The following BICD1 variants were observed in gnomAD, a reference collection of about 807,000 sequenced individuals.
BICD1 encodes the protein protein bicaudal D homolog 1.
BICD1 carries 35 observed loss-of-function variants against 92.5 expected under a neutral mutation model. The observed-to-expected ratio is 0.38, with a 90% CI of 0.29 to 0.50. The LOEUF is 0.50. Ranked by LOEUF, BICD1 falls within the 20% of genes least tolerant of loss-of-function variation. BICD1 has a pLI of 0.93. For synonymous variants in BICD1, 429 were observed against 465.1 expected (o/e 0.92, Z 1.00); for missense variants, 950 against 1,189.8 (o/e 0.80, Z 2.97).
chr12:32,334,692 T>G, intron 6 of BICD1, 25 bp downstream of exon 6: 1 of 1,597,932 alleles, frequency 6.3e-7, no homozygotes, highest in East Asian at 2.3e-5. Context: ...TTCCTATGAC[T>G]GGGTGTGGTA....
At position 32,192,453 on chromosome 12, in the gene BICD1, AATAGATAG is replaced by A. The variant is rs66461342; in HGVS notation, c.214-23776_214-23769del. Reference sequence around the variant, plus strand: ...TGTTAAATAAATAAATAAATAAATAAATAGATAGATAGATAGATAGATAGACAAATAAA... The same window carrying A: ...TGTTAAATAAATAAATAAATAAATAAATAGATAGATAGATAGACAAATAAA... On this transcript the variant is annotated intron_variant, in intron 1 of 9. Coordinates refer to ENST00000652176, the MANE Select transcript of BICD1 (RefSeq NM_001714.4). Among the ~76,000 whole-genome samples the A allele has an allele frequency of 3.6e-3, 543 of 149,152 alleles. 4 individuals are homozygous for A. The highest frequency in any genetic ancestry group is 0.011 in the African/African-American group (438 of 40,114).
chr12:32,334,525 G>A lies in BICD1; in HGVS notation c.2110G>A (p.Val704Met). ...VLKANKQTAE[V>M]ALANLKNKYE... ...TGATTTTCTGCTTTAGACAGCTGAG[G>A]TGGCGCTAGCTAATCTCAAGAACAA... The change falls in exon 6 of 10, where the codon GTG becomes ATG. Residue 704 changes from valine (V) to methionine (M), a missense_variant. Physicochemically the swap from Val to Met is conservative, Grantham distance 21. Coordinates refer to ENST00000652176, the MANE Select transcript of BICD1 (RefSeq NM_001714.4). The A allele has an allele frequency of 6.2e-7, 1 of 1,608,204 alleles. No homozygotes were observed. Among genetic ancestry groups the A allele is most frequent in the Non-Finnish European group, 8.5e-7 (1 of 1,177,420 alleles).
intron 2 of BICD1, among the ~76,000 whole-genome samples, chr12:32,224,149 C>T (rs893446784): frequency 3.9e-5 from 6 of 152,108 alleles, no homozygotes; most frequent in East Asian, 1.9e-4. Flanking sequence ...CTGAGTGAAG[C>T]GGACACTTCT....
intron 1 of BICD1, among the ~76,000 whole-genome samples, chr12:32,189,463 A>G (rs1944506500): frequency 6.6e-6 from 1 of 152,312 alleles, no homozygotes; most frequent in South Asian, 2.1e-4. Flanking sequence ...GGGGTGAGGC[A>G]TGAGGTGAAA....
chr12:32,126,067 A>AAAT (rs1555129042), intron 1 of BICD1, among the ~76,000 whole-genome samples: 2 of 148,890 alleles, frequency 1.3e-5, no homozygotes, highest in Admixed American at 6.9e-5. Flanking sequence ...AAAAAAAAAA[A>AAAT]AAGCAGTGCA....
At chr12:32,117,758 A>ATATT (rs1491222610) in intron 1 of BICD1, among the ~76,000 whole-genome samples, 7 of 107,910 alleles carry the variant, frequency 6.5e-5, no homozygotes, top group East Asian at 2.7e-4. Context: ...ATATATATAT[A>ATATT]TTTTTTTTTA....
chr12:32,332,892 T>A, intron 5 of BICD1: 1 of 985,444 alleles, frequency 1.0e-6, no homozygotes, highest in South Asian at 4.7e-5. Context: ...AACTTTGGAA[T>A]GTGTGGAGAA....
chr12:32,123,411 C>T (rs1942222982), intron 1 of BICD1, among the ~76,000 whole-genome samples: 1 of 152,224 alleles, frequency 6.6e-6, no homozygotes, highest in South Asian at 2.1e-4. Context: ...ATAACCTCTG[C>T]ATACATTCAA....
At chr12:32,281,897 A>T (rs1280108926) in intron 2 of BICD1, among the ~76,000 whole-genome samples, 1 of 152,116 alleles carries the variant, frequency 6.6e-6, no homozygotes, top group African/African-American at 2.4e-5. Context: ...GATCCTGGGG[A>T]TATAGTGGTT....
At chr12:32,166,102 A>T (rs1382184601) in intron 1 of BICD1, among the ~76,000 whole-genome samples, 1 of 146,168 alleles carries the variant, frequency 6.8e-6, no homozygotes, top group East Asian at 2.0e-4. Flanking sequence ...CAATGTCTGG[A>T]GACATTTATT....
At chr12:32,226,992 G>T (rs988949854) in intron 2 of BICD1, among the ~76,000 whole-genome samples, 1 of 151,606 alleles carries the variant, frequency 6.6e-6, no homozygotes. Context: ...GGAGGGCCTG[G>T]GGAGGTCCTC....
intron 1 of BICD1, chr12:32,108,696 G>A (rs2121115269): frequency 1.4e-6 from 1 of 695,158 alleles, no homozygotes; most frequent in South Asian, 1.5e-5. Flanking sequence ...CCAATTTAGT[G>A]TGTAATATGG....
intron 2 of BICD1, among the ~76,000 whole-genome samples, chr12:32,278,034 G>A (rs893177219): frequency 2.6e-5 from 4 of 152,126 alleles, no homozygotes; most frequent in Admixed American, 6.6e-5. Context: ...TATTGTCGCT[G>A]CTGCTTATCT....
intron 3 of BICD1, among the ~76,000 whole-genome samples, chr12:32,302,701 G>A (rs1948089829): frequency 6.6e-6 from 1 of 152,006 alleles, no homozygotes; most frequent in African/African-American, 2.4e-5. Flanking sequence ...GACAGTTATT[G>A]GTAGTATGCC....
At chr12:32,345,045 G>T (rs1417014557) in intron 8 of BICD1, among the ~76,000 whole-genome samples, 1 of 152,096 alleles carries the variant, frequency 6.6e-6, no homozygotes, top group Non-Finnish European at 1.5e-5. Flanking sequence ...CCAGCACTTC[G>T]GGAGGCCAAA....
chr12:32,201,242 TAGG>T (rs1414399169), intron 1 of BICD1, among the ~76,000 whole-genome samples: 8 of 152,256 alleles, frequency 5.3e-5, no homozygotes, highest in African/African-American at 1.9e-4. Context: ...TACTCTGATC[TAGG>T]AGGATTGTAG....
chr12:32,298,567 C>A (rs1256175402), intron 3 of BICD1, among the ~76,000 whole-genome samples: 1 of 7,824 alleles, frequency 1.3e-4, no homozygotes, highest in Non-Finnish European at 3.2e-4. Context: ...TCCGATCCAC[C>A]TCAAAAAAAA....
chr12:32,165,505 GACTCCGTCAC>G (rs1421332094), intron 1 of BICD1, among the ~76,000 whole-genome samples: 1 of 151,706 alleles, frequency 6.6e-6, no homozygotes, highest in African/African-American at 2.4e-5. Context: ...GACAGAGCGA[GACTCCGTCAC>G]AAAACAAAAC....
At chr12:32,119,849 C>T (rs1020813891) in intron 1 of BICD1, among the ~76,000 whole-genome samples, 1 of 148,844 alleles carries the variant, frequency 6.7e-6, no homozygotes, top group Non-Finnish European at 1.5e-5. Flanking sequence ...CCAGCTTGGG[C>T]GACAGAACAA....
Sources: gnomAD v4.1 joint callset for allele counts (sites outside exome capture counted in the v4.1 genomes callset) on GRCh38, gnomAD v4.1.1 for gene constraint, MANE v1.5 for transcripts, NCBI Gene and HGNC (gene_info 2026-07-23, HGNC 2026-07-21) for gene names.